The following DNASE1 variants were observed in gnomAD, a reference collection of about 807,000 sequenced individuals.
DNASE1 encodes deoxyribonuclease 1.
A neutral mutation model predicts 33.9 loss-of-function variants in DNASE1; 40 were observed. The observed-to-expected ratio is 1.18, with a 90% confidence interval of 0.92 to 1.54. The LOEUF (loss-of-function observed/expected upper bound fraction) is 1.54. DNASE1 is among the 40% of genes most tolerant of loss of function. DNASE1 has a pLI of 0.00. For missense variants in DNASE1, 518 were observed against 372.6 expected (o/e 1.39, Z -3.21); for synonymous variants, 216 against 160.0 (o/e 1.35, Z -2.64).
At chr16:3,660,641 C>G (rs2043018660), downstream of DNASE1, 1 of 152,236 alleles carries the variant, frequency 6.6e-6, no homozygotes, top group Non-Finnish European at 1.5e-5. Flanking sequence ...CAGCCATAAG[C>G]CAAGTCAGCC....
intron 1 of DNASE1, among the ~76,000 whole-genome samples, chr16:3,646,836 C>T (rs536254567): frequency 1.2e-4 from 18 of 152,100 alleles, no homozygotes; most frequent in African/African-American, 4.3e-4. Context: ...GCTCAGGGTG[C>T]ATGGTGCGGG....
At position 3,664,457 on chromosome 16, in the gene DNASE1, C is replaced by A. The variant is rs144397127; in HGVS notation, c.*6504C>A. On this transcript the variant is annotated 3_prime_UTR_variant, in exon 10 of 10. Coordinates refer to the DNASE1 transcript ENST00000407479. ...CGTAGCGCAGCAGCTTTGCTATGTCCTCCTAGAAGGGACGGGGCAGGTCAC... is the reference window on the plus strand; with the variant it reads ...CGTAGCGCAGCAGCTTTGCTATGTCATCCTAGAAGGGACGGGGCAGGTCAC... 1.3e-4 allele frequency: 204 copies of A among 1,608,690 alleles called. No homozygotes were observed. In the African/African-American group the frequency reaches 2.6e-3, roughly 20 times the overall value.
downstream of DNASE1, chr16:3,660,168 A>G (rs1342902523): frequency 6.6e-6 from 1 of 152,266 alleles, no homozygotes; most frequent in East Asian, 1.9e-4. Context: ...ACTGCACAGC[A>G]AGTTCCCCCT....
intron 1 of DNASE1, among the ~76,000 whole-genome samples, chr16:3,612,531 G>T (rs1350517681): frequency 1.4e-5 from 2 of 147,120 alleles, no homozygotes; most frequent in Non-Finnish European, 3.0e-5. Context: ...GATTACAGGC[G>T]TGAGCCACCG....
chr16:3,639,862 G>A (rs2041982400), upstream of DNASE1, among the ~76,000 whole-genome samples: 1 of 152,302 alleles, frequency 6.6e-6, no homozygotes, highest in South Asian at 2.1e-4. Context: ...AGGAGTTCAA[G>A]ACCAGCCTGG....
At chr16:3,642,640 G>T (rs940494686), upstream of DNASE1, among the ~76,000 whole-genome samples, 2 of 152,208 alleles carry the variant, frequency 1.3e-5, no homozygotes, top group African/African-American at 2.4e-5. Flanking sequence ...ACTACAGTGT[G>T]AGTGAGATGT....
At chr16:3,635,923 A>G (rs565844494) in intron 1 of DNASE1, among the ~76,000 whole-genome samples, 1 of 151,956 alleles carries the variant, frequency 6.6e-6, no homozygotes, top group East Asian at 1.9e-4. Context: ...GTTTTTTGCT[A>G]TTTATCCTAC....
intron 1 of DNASE1, among the ~76,000 whole-genome samples, chr16:3,633,320 G>C (rs1352040060): frequency 6.6e-6 from 1 of 152,006 alleles, no homozygotes; most frequent in Non-Finnish European, 1.5e-5. Context: ...CTTTTAAAAA[G>C]TCTTGGCTGG....
downstream of DNASE1, chr16:3,660,026 C>G (rs545698707): frequency 2.0e-4 from 30 of 152,332 alleles, 1 homozygote; most frequent in African/African-American, 6.7e-4. Flanking sequence ...CGCACCCAAC[C>G]TAACAGAGGA....
chr16:3,622,359 T>C (rs1038707056), intron 1 of DNASE1, among the ~76,000 whole-genome samples: 1 of 152,220 alleles, frequency 6.6e-6, no homozygotes, highest in Non-Finnish European at 1.5e-5. Context: ...TGGTGTCTTG[T>C]AGCTTTACTT....
intron 1 of DNASE1, among the ~76,000 whole-genome samples, chr16:3,629,171 C>CA (rs536378443): frequency 0.032 from 1,700 of 53,414 alleles, 22 homozygotes; most frequent in East Asian, 0.054. Flanking sequence ...GACTAAGTCT[C>CA]AAAAAAAAAA....
intron 1 of DNASE1, among the ~76,000 whole-genome samples, chr16:3,629,268 A>T (rs564966125): frequency 6.6e-6 from 1 of 150,982 alleles, no homozygotes; most frequent in East Asian, 1.9e-4. Flanking sequence ...TTTCCCTTGT[A>T]CGTTTAGTTT....
chr16:3,657,572 A>T, intron 7 of DNASE1, 148 bp from the exon 8 acceptor site: 1 of 1,246,542 alleles, frequency 8.0e-7, no homozygotes, highest in Non-Finnish European at 1.1e-6. Flanking sequence ...TGGTTTCCAC[A>T]TTGAGGGGCA....
chr16:3,640,266 G>A (rs115932703), upstream of DNASE1, among the ~76,000 whole-genome samples: 1,350 of 152,278 alleles, frequency 8.9e-3, 20 homozygotes, highest in African/African-American at 0.03. Flanking sequence ...TTCAGCTAAA[G>A]ACTCCAGGAG....
At chr16:3,663,243 C>G in exon 10 of DNASE1, 1 of 790,154 alleles carries the variant, frequency 1.3e-6, no homozygotes, top group Non-Finnish European at 2.0e-6. Flanking sequence ...GGACAGACCC[C>G]TGATATCTAA....
At chr16:3,662,062 A>T (rs766473188), downstream of DNASE1, 65 of 1,613,374 alleles carry the variant, frequency 4.0e-5, no homozygotes, top group Admixed American at 1.3e-4. Context: ...CTGCATGCGC[A>T]GGAAGTGGCG....
chr16:3,645,995 C>T (rs183540887), intron 1 of DNASE1, among the ~76,000 whole-genome samples: 3 of 152,258 alleles, frequency 2.0e-5, no homozygotes, highest in Admixed American at 2.0e-4. Context: ...GATGCTCTGT[C>T]CCTGGGGCCA....
chr16:3,654,826 C>A lies in DNASE1; in HGVS notation c.-220C>A. 3 of 404,320 alleles carry A rather than the reference C, an allele frequency of 7.4e-6. No homozygotes were observed. In the South Asian group the frequency reaches 3.6e-4, roughly 49 times the overall value. The allele number at this position is 404,320 out of a possible 1,614,324, so 25.0% of individuals were successfully genotyped here. A position where few individuals can be genotyped will look rare whatever the true frequency, so the allele number is the denominator to read the frequency against. On this transcript the variant is annotated 5_prime_UTR_variant, in exon 1 of 9. Transcript: ENST00000246949. ...GGCTCACATTTGCCCCAGGGAAGGT[C>A]ACAGCTGCCTGAACTTTTAAAACTC... is the stretch of plus-strand genomic sequence containing the variant.
At chr16:3,664,185 G>C in exon 10 of DNASE1, 2 of 1,367,382 alleles carry the variant, frequency 1.5e-6, no homozygotes, top group Non-Finnish European at 9.6e-7. Context: ...CCGGAGTCTT[G>C]GGCAGGTTCA....
Sources: allele counts gnomAD v4.1 joint callset (sites outside exome capture counted in the v4.1 genomes callset), GRCh38; gene constraint gnomAD v4.1.1; transcripts MANE v1.5; gene names NCBI Gene and HGNC (gene_info 2026-07-23, HGNC 2026-07-21).